The following MAPKAP1 variants were observed in gnomAD, a reference collection of about 807,000 sequenced individuals.
MAPKAP1 encodes target of rapamycin complex 2 subunit MAPKAP1.
A neutral mutation model predicts 65.7 loss-of-function variants in MAPKAP1; 20 were observed. That is an observed-to-expected ratio of 0.30 (90% CI 0.21 to 0.44). MAPKAP1 has a LOEUF of 0.44. MAPKAP1 is among the 20% of genes least tolerant of loss of function. MAPKAP1 has a pLI of 1.00. For missense variants in MAPKAP1, 423 were observed against 648.0 expected (o/e 0.65, Z 3.77); for synonymous variants, 222 against 244.3 (o/e 0.91, Z 0.85).
chr9:125,679,268 C>G (rs559069653), intron 1 of MAPKAP1, among the ~76,000 whole-genome samples: 1 of 152,292 alleles, frequency 6.6e-6, no homozygotes, highest in South Asian at 2.1e-4. Flanking sequence ...TCCCAAAGTG[C>G]TGGAATTACA....
At chr9:125,519,162 T>C (rs760404629) in intron 7 of MAPKAP1, among the ~76,000 whole-genome samples, 19 of 152,100 alleles carry the variant, frequency 1.2e-4, no homozygotes, top group Admixed American at 5.9e-4. Context: ...GCTCAGTGGC[T>C]CTGGAGAGAG....
chr9:125,611,530 G>C (rs1832600588), intron 4 of MAPKAP1, among the ~76,000 whole-genome samples: 1 of 152,180 alleles, frequency 6.6e-6, no homozygotes, highest in Non-Finnish European at 1.5e-5. Context: ...GACAGTGGCT[G>C]AGAATTTTCC....
At chr9:125,527,270 C>T (rs924835802) in intron 7 of MAPKAP1, among the ~76,000 whole-genome samples, 1 of 152,072 alleles carries the variant, frequency 6.6e-6, no homozygotes, top group Non-Finnish European at 1.5e-5. Flanking sequence ...GTTTCACCAT[C>T]TTGGCCAGGC....
Position 125,657,729 on chromosome 9 carries a change from C to T in MAPKAP1, c.420G>A (p.Ser140=), listed in dbSNP as rs779547345. 5.0e-6 allele frequency: 8 copies of T among 1,613,732 alleles called. No individual in the cohort carries two copies. The highest frequency in any genetic ancestry group is 1.7e-5 in the Admixed American group (1 of 59,996). The change falls in exon 4 of 12, where the codon TCG becomes TCA. Residue 140 remains serine, a synonymous_variant. Coordinates refer to ENST00000265960, the MANE Select transcript of MAPKAP1 (RefSeq NM_001006617.3). ...KEKPPISGKQ[S]ILSVRLEQCP... ...ACTGTTCTAGGCGTACAGATAATAT[C>T]GACTGCTTCCCAGAAATTGGAGGCT...
chr9:125,561,459 T>C (rs1471555082), intron 5 of MAPKAP1, among the ~76,000 whole-genome samples: 4 of 152,278 alleles, frequency 2.6e-5, no homozygotes, highest in Non-Finnish European at 5.9e-5. Context: ...TTTGTCACTT[T>C]ACATTTCAGG....
intron 5 of MAPKAP1, among the ~76,000 whole-genome samples, chr9:125,583,971 G>A (rs960189960): frequency 2.0e-5 from 3 of 152,054 alleles, no homozygotes; most frequent in African/African-American, 4.8e-5. Context: ...GCTGAGGTAG[G>A]AGAATGGCGT....
At chr9:125,518,848 T>C (rs1224959699) in intron 7 of MAPKAP1, among the ~76,000 whole-genome samples, 1 of 152,212 alleles carries the variant, frequency 6.6e-6, no homozygotes, top group African/African-American at 2.4e-5. Context: ...CAGCACAATC[T>C]GGAGGGTCAT....
At chr9:125,491,072 A>T (rs1182237011) in intron 8 of MAPKAP1, among the ~76,000 whole-genome samples, 4 of 149,866 alleles carry the variant, frequency 2.7e-5, no homozygotes, top group Non-Finnish European at 5.9e-5. Context: ...CAGTAGGCGG[A>T]GGCTGAAGTG....
intron 9 of MAPKAP1, among the ~76,000 whole-genome samples, chr9:125,472,718 T>A (rs748577286): frequency 1.3e-5 from 2 of 152,166 alleles, no homozygotes; most frequent in Non-Finnish European, 2.9e-5. Flanking sequence ...AAATACAAGA[T>A]AACCACGAAA....
At chr9:125,524,034 CTTATTTAT>C (rs892670525) in intron 7 of MAPKAP1, among the ~76,000 whole-genome samples, 1 of 152,208 alleles carries the variant, frequency 6.6e-6, no homozygotes, top group Admixed American at 6.5e-5. Context: ...TTGGTGAGTA[CTTATTTAT>C]TTATTTATTT....
At chr9:125,494,742 C>A (rs1854876452) in intron 8 of MAPKAP1, among the ~76,000 whole-genome samples, 1 of 152,166 alleles carries the variant, frequency 6.6e-6, no homozygotes, top group Non-Finnish European at 1.5e-5. Flanking sequence ...GTCCCTTGGC[C>A]TGGAACATTC....
intron 11 of MAPKAP1, 28 bp downstream of exon 11, chr9:125,444,473 T>A: frequency 6.4e-7 from 1 of 1,558,908 alleles, no homozygotes; most frequent in Non-Finnish European, 8.8e-7. Context: ...CCACCTACCC[T>A]GTCTCTGGTT....
intron 1 of MAPKAP1, among the ~76,000 whole-genome samples, chr9:125,689,451 A>C (rs1463213933): frequency 4.8e-5 from 7 of 144,558 alleles, no homozygotes; most frequent in African/African-American, 2.5e-5. Flanking sequence ...AAAAAAAAAA[A>C]AAAAAAAAAA....
intron 10 of MAPKAP1, among the ~76,000 whole-genome samples, chr9:125,453,720 T>C (rs1853051418): frequency 6.6e-6 from 1 of 152,254 alleles, no homozygotes; most frequent in Non-Finnish European, 1.5e-5. Flanking sequence ...CATCATGCAG[T>C]AGTCTGGAAA....
At chr9:125,602,183 G>T (rs567274551) in intron 4 of MAPKAP1, among the ~76,000 whole-genome samples, 3 of 152,296 alleles carry the variant, frequency 2.0e-5, no homozygotes, top group Admixed American at 2.0e-4. Flanking sequence ...AGTCTGGGAG[G>T]TTGAGGCTAC....
chr9:125,580,672 C>A (rs1055193928), intron 5 of MAPKAP1, among the ~76,000 whole-genome samples: 1 of 119,984 alleles, frequency 8.3e-6, no homozygotes, highest in African/African-American at 2.8e-5. Context: ...TACCCTAGAA[C>A]TTAAAAGTAT....
intron 4 of MAPKAP1, among the ~76,000 whole-genome samples, chr9:125,619,411 A>G (rs1261477829): frequency 6.6e-6 from 1 of 152,060 alleles, no homozygotes; most frequent in East Asian, 1.9e-4. Flanking sequence ...CGGGAGGCGG[A>G]GGTTACAGTG....
chr9:125,695,769 C>T (rs1835364617), intron 1 of MAPKAP1, among the ~76,000 whole-genome samples: 1 of 151,664 alleles, frequency 6.6e-6, no homozygotes, highest in African/African-American at 2.4e-5. Context: ...ACCATTGTTG[C>T]CCAGCCTGGA....
At chr9:125,466,739 G>A (rs1468905325) in intron 10 of MAPKAP1, among the ~76,000 whole-genome samples, 1 of 152,138 alleles carries the variant, frequency 6.6e-6, no homozygotes, top group Non-Finnish European at 1.5e-5. Flanking sequence ...TGGCAGGAAG[G>A]GAGTGGGGTG....
Sources: allele counts gnomAD v4.1 joint callset (sites outside exome capture counted in the v4.1 genomes callset), GRCh38; gene constraint gnomAD v4.1.1; transcripts MANE v1.5; gene names NCBI Gene and HGNC (gene_info 2026-07-23, HGNC 2026-07-21).